CCDC178: variants seen among roughly 807,000 people sequenced by gnomAD.
The protein encoded by CCDC178 is coiled-coil domain-containing protein 178.
A neutral mutation model predicts 117.4 loss-of-function variants in CCDC178; 126 were observed. That is an observed-to-expected ratio of 1.07 (90% CI 0.93 to 1.24). The LOEUF is 1.24. CCDC178 is among the 50% of genes most tolerant of loss of function. The pLI, the probability that CCDC178 is intolerant of heterozygous loss-of-function variation, is 0.00. For missense variants in CCDC178, 1,030 were observed against 986.9 expected, an observed-to-expected ratio of 1.04 and a Z score of -0.59; for synonymous variants, 283 against 313.4, an observed-to-expected ratio of 0.90 and a Z score of 1.02.
chr18:33,266,292 C>T (rs920051166), intron 14 of CCDC178, among the ~76,000 whole-genome samples: 16 of 151,948 alleles, frequency 1.1e-4, no homozygotes, highest in South Asian at 2.1e-4. Context: ...GCTGTGTATG[C>T]GACCTGTGTT....
chr18:32,940,486 A>AATT (rs1169746760), intron 22 of CCDC178, among the ~76,000 whole-genome samples: 2 of 151,866 alleles, frequency 1.3e-5, no homozygotes, highest in Non-Finnish European at 2.9e-5. Flanking sequence ...CACTATTATG[A>AATT]ATTATTATTA....
At chr18:33,364,526 C>T (rs915955744) in intron 6 of CCDC178, among the ~76,000 whole-genome samples, 1 of 151,820 alleles carries the variant, frequency 6.6e-6, no homozygotes, top group Non-Finnish European at 1.5e-5. Context: ...TCAATGTGTA[C>T]AGGAGCTAAG....
At chr18:32,983,428 C>A in intron 21 of CCDC178, 2 of 822,500 alleles carry the variant, frequency 2.4e-6, no homozygotes, top group East Asian at 2.7e-5. Context: ...CAAACACAGT[C>A]AAACAAATAG....
At chr18:33,118,993 A>G (rs1464806345) in intron 20 of CCDC178, among the ~76,000 whole-genome samples, 1 of 152,214 alleles carries the variant, frequency 6.6e-6, no homozygotes, top group Non-Finnish European at 1.5e-5. Context: ...ATATGTAGAA[A>G]GCTGAAACTG....
At chr18:33,243,843 G>C (rs1335987953) in intron 15 of CCDC178, among the ~76,000 whole-genome samples, 1 of 151,732 alleles carries the variant, frequency 6.6e-6, no homozygotes, top group Non-Finnish European at 1.5e-5. Context: ...CAAGTAAGTG[G>C]ATGATGATAT....
intron 3 of CCDC178, among the ~76,000 whole-genome samples, chr18:33,409,667 CT>C (rs1729383729): frequency 6.6e-6 from 1 of 152,042 alleles, no homozygotes; most frequent in South Asian, 2.1e-4. Flanking sequence ...ATTCCTGTGG[CT>C]TAAACACAGA....
At chr18:33,197,388 G>A (rs896141890) in intron 20 of CCDC178, among the ~76,000 whole-genome samples, 2 of 152,110 alleles carry the variant, frequency 1.3e-5, no homozygotes, top group African/African-American at 4.8e-5. Flanking sequence ...CACTTGTAGG[G>A]AGTGGTAATA....
At chr18:33,239,569 T>A (rs188938103) in intron 15 of CCDC178, among the ~76,000 whole-genome samples, 1 of 149,614 alleles carries the variant, frequency 6.7e-6, no homozygotes, top group East Asian at 2.0e-4. Context: ...TGTACTTATA[T>A]CAGACAAATC....
rs371285732 is a variant in CCDC178, at chr18:33,245,216, T to C, written c.1593+29A>G. 16 of 1,482,572 alleles carry C rather than the reference T, an allele frequency of 1.1e-5. No homozygotes were observed. In the African/African-American group the frequency reaches 1.9e-4, roughly 17 times the overall value. The allele number at this position is 1,482,572 out of a possible 1,614,324, so 91.8% of individuals were successfully genotyped here. A position where few individuals can be genotyped will look rare whatever the true frequency, so the allele number is the denominator to read the frequency against. ...AGGTAAATTACTCTTTTTTTCATCA[T>C]GAGTAAGAGGAACACAAAGATACAC... On this transcript the variant is annotated intron_variant, in intron 15 of 22. Transcript: ENST00000383096.
intron 21 of CCDC178, among the ~76,000 whole-genome samples, chr18:33,057,036 T>A (rs1451581628): frequency 6.6e-6 from 1 of 150,886 alleles, no homozygotes; most frequent in Non-Finnish European, 1.5e-5. Flanking sequence ...AGGAAAAAAG[T>A]CAAAACTTTA....
intron 20 of CCDC178, among the ~76,000 whole-genome samples, chr18:33,103,639 T>C (rs1024825482): frequency 1.3e-5 from 2 of 151,146 alleles, no homozygotes; most frequent in African/African-American, 4.9e-5. Flanking sequence ...ATGGACTCAA[T>C]AACTTTGTAA....
intron 20 of CCDC178, among the ~76,000 whole-genome samples, chr18:33,108,084 G>C (rs1022528876): frequency 7.9e-5 from 12 of 151,550 alleles, no homozygotes; most frequent in African/African-American, 2.9e-4. Context: ...AAAGCTGGGT[G>C]CACACATTTA....
chr18:33,259,084 G>T (rs540473221), intron 14 of CCDC178, among the ~76,000 whole-genome samples: 2 of 150,772 alleles, frequency 1.3e-5, no homozygotes, highest in African/African-American at 2.5e-5. Context: ...GTGTGGGTTT[G>T]TAACTGTAAA....
At chr18:33,409,341 T>C (rs1599284903) in intron 3 of CCDC178, among the ~76,000 whole-genome samples, 1 of 152,272 alleles carries the variant, frequency 6.6e-6, no homozygotes, top group Admixed American at 6.5e-5. Context: ...CACCTCACCC[T>C]CCTGAAGTGT....
At chr18:33,234,216 G>A (rs1389947873) in intron 15 of CCDC178, among the ~76,000 whole-genome samples, 3 of 152,052 alleles carry the variant, frequency 2.0e-5, no homozygotes, top group African/African-American at 7.2e-5. Context: ...AGCAGCCATT[G>A]TGGGACTTTA....
intron 5 of CCDC178, among the ~76,000 whole-genome samples, chr18:33,387,148 A>C (rs950697922): frequency 6.6e-6 from 1 of 152,086 alleles, no homozygotes; most frequent in Non-Finnish European, 1.5e-5. Flanking sequence ...AACAACTAAC[A>C]AGGGAAGTGA....
chr18:33,148,984 C>T (rs1321444569), intron 20 of CCDC178, among the ~76,000 whole-genome samples: 23 of 152,154 alleles, frequency 1.5e-4, no homozygotes, highest in South Asian at 1.4e-3. Context: ...CTGGCCAATG[C>T]GCTGTAAACA....
intron 20 of CCDC178, among the ~76,000 whole-genome samples, chr18:33,176,070 C>T (rs952876394): frequency 6.6e-6 from 1 of 152,006 alleles, no homozygotes. Context: ...TTCCACACAC[C>T]CCCTCCTCCA....
chr18:33,387,040 G>T (rs2144812788), intron 5 of CCDC178, among the ~76,000 whole-genome samples: 2 of 152,184 alleles, frequency 1.3e-5, no homozygotes, highest in African/African-American at 4.8e-5. Context: ...AAATCAATGT[G>T]CAGAAATCAT....
Sources: gnomAD v4.1 joint callset for allele counts (sites outside exome capture counted in the v4.1 genomes callset) on GRCh38, gnomAD v4.1.1 for gene constraint, MANE v1.5 for transcripts, NCBI Gene and HGNC (gene_info 2026-07-23, HGNC 2026-07-21) for gene names.